Variants in HNF4G observed in about 807,000 individuals in gnomAD.
The protein encoded by HNF4G is hepatocyte nuclear factor 4-gamma.
In HNF4G, 21 loss-of-function variants were observed where a neutral mutation model predicts 50.9. The observed-to-expected ratio is 0.41, with a 90% confidence interval of 0.29 to 0.59. The LOEUF (loss-of-function observed/expected upper bound fraction) is 0.59. Among genes scored for constraint, HNF4G ranks in the 20% least tolerant of loss-of-function variants. HNF4G has a pLI of 0.26. For synonymous variants in HNF4G, 198 were observed against 185.6 expected (o/e 1.07, Z -0.54); for missense variants, 527 against 559.4 (o/e 0.94, Z 0.58).
rs551290430 is a variant in HNF4G, at chr8:75,467,684, A to G, written c.-143-22405A>G. On this transcript the variant is annotated intron_variant, in intron 1 of 10. Transcript: ENST00000354370. ...AGGAAAAAAAAAAAAAAGGAATTTTATATTAGCAAACAGCACACTGAAGTC... is the reference window on the plus strand; with the variant it reads ...AGGAAAAAAAAAAAAAAGGAATTTTGTATTAGCAAACAGCACACTGAAGTC... 5.9e-4 allele frequency among the ~76,000 whole-genome samples: 90 copies of G among 151,902 alleles called. 1 individual carries two copies. The highest frequency in any genetic ancestry group is 1.0e-3 in the Non-Finnish European group (68 of 67,882).
intron 2 of HNF4G, among the ~76,000 whole-genome samples, chr8:75,521,768 T>A (rs373688773): frequency 6.6e-6 from 1 of 152,190 alleles, no homozygotes; most frequent in Non-Finnish European, 1.5e-5. Context: ...ATTAAAAATA[T>A]AATCCTTATC....
intron 1 of HNF4G, among the ~76,000 whole-genome samples, chr8:75,424,136 T>C (rs1489050760): frequency 3.3e-5 from 5 of 152,098 alleles, no homozygotes; most frequent in Non-Finnish European, 1.5e-5. Flanking sequence ...CAGTTTCTTA[T>C]GTGTGTGTGT....
At chr8:75,471,651 G>A (rs1031596133) in intron 1 of HNF4G, among the ~76,000 whole-genome samples, 1 of 152,108 alleles carries the variant, frequency 6.6e-6, no homozygotes, top group African/African-American at 2.4e-5. Context: ...AAAGGAGGCA[G>A]TTTGGTGTGA....
chr8:75,489,833 A>G (rs754390111), intron 1 of HNF4G, among the ~76,000 whole-genome samples: 10 of 152,162 alleles, frequency 6.6e-5, no homozygotes, highest in Non-Finnish European at 1.5e-4. Context: ...GTAGCCAGAT[A>G]TTATGTCTAT....
chr8:75,462,069 C>T (rs890767775), intron 1 of HNF4G, among the ~76,000 whole-genome samples: 1 of 151,686 alleles, frequency 6.6e-6, no homozygotes, highest in Non-Finnish European at 1.5e-5. Context: ...AGGCATGCAC[C>T]ACCATGGCTG....
intron 1 of HNF4G, among the ~76,000 whole-genome samples, chr8:75,459,748 C>T (rs1811802012): frequency 6.6e-6 from 1 of 152,064 alleles, no homozygotes; most frequent in Non-Finnish European, 1.5e-5. Context: ...GTGATTCAGA[C>T]CCAGATGATC....
chr8:75,522,685 C>T (rs770495993), intron 2 of HNF4G, among the ~76,000 whole-genome samples: 6 of 152,260 alleles, frequency 3.9e-5, no homozygotes, highest in Admixed American at 6.5e-5. Context: ...AAAAATGTCT[C>T]TAGATACTGT....
At chr8:75,508,718 T>C (rs1489280567) in intron 2 of HNF4G, among the ~76,000 whole-genome samples, 1 of 152,098 alleles carries the variant, frequency 6.6e-6, no homozygotes, top group African/African-American at 2.4e-5. Flanking sequence ...CGTAACCACG[T>C]AGGCAAACAC....
intron 2 of HNF4G, among the ~76,000 whole-genome samples, chr8:75,492,703 A>C (rs1327121856): frequency 7.9e-5 from 12 of 152,158 alleles, no homozygotes; most frequent in Admixed American, 7.9e-4. Flanking sequence ...AGTCACACTG[A>C]AGTCCATTAC....
At chr8:75,418,722 CTTTTTTTTTTTTTT>C (rs560295179) in intron 1 of HNF4G, among the ~76,000 whole-genome samples, 1 of 109,406 alleles carries the variant, frequency 9.1e-6, no homozygotes, top group East Asian at 2.3e-4. Flanking sequence ...CTCTCTCTCT[CTTTTTTTTTTTTTT>C]TTTTTTTTGA....
chr8:75,535,462 T>C (rs73690955), upstream of HNF4G, among the ~76,000 whole-genome samples: 7,843 of 151,828 alleles, frequency 0.052, 253 homozygotes, highest in Middle Eastern at 0.075. Flanking sequence ...CTGCTTACAC[T>C]GAAAAATACA....
chr8:75,560,786 G>A (rs1396286263), intron 9 of HNF4G, among the ~76,000 whole-genome samples: 3 of 152,122 alleles, frequency 2.0e-5, no homozygotes, highest in Non-Finnish European at 4.4e-5. Context: ...CCATGCAAGG[G>A]AATCTTAATA....
At chr8:75,562,509 G>A (rs544794813) in intron 9 of HNF4G, among the ~76,000 whole-genome samples, 9 of 152,140 alleles carry the variant, frequency 5.9e-5, no homozygotes, top group African/African-American at 1.7e-4. Flanking sequence ...AAACTAGAGC[G>A]TTTATGGAGT....
At chr8:75,418,211 T>C (rs992774931) in intron 1 of HNF4G, among the ~76,000 whole-genome samples, 5 of 152,156 alleles carry the variant, frequency 3.3e-5, no homozygotes, top group African/African-American at 1.2e-4. Context: ...ATTGGTGTGC[T>C]GTCTGTGTCC....
intron 2 of HNF4G, among the ~76,000 whole-genome samples, chr8:75,522,360 A>C (rs1189426502): frequency 6.6e-6 from 1 of 152,220 alleles, no homozygotes; most frequent in Non-Finnish European, 1.5e-5. Flanking sequence ...ATGATGGATT[A>C]AATAGTTCTT....
At chr8:75,471,936 T>G (rs1310541477) in intron 1 of HNF4G, among the ~76,000 whole-genome samples, 1 of 152,196 alleles carries the variant, frequency 6.6e-6, no homozygotes, top group Non-Finnish European at 1.5e-5. Context: ...GCTTCTTACT[T>G]ATGGTACTTG....
In HNF4G at chr8:75,551,419, C is replaced by T. The variant is rs749801784; in HGVS notation, c.414C>T (p.Thr138=). The change falls in exon 4 of 10, where the codon ACC becomes ACT. Residue 138 remains threonine, a synonymous_variant. Transcript: ENST00000396423. ...AAAATGAACGTGACAGAATAAGCAC[C>T]AGAAGAAGCACATTTGATGGCAGCA... ...AVQNERDRIS[T]RRSTFDGSNI... is the part of the protein sequence containing the mutation. The T allele has an allele frequency of 2.5e-6, 4 of 1,612,592 alleles. No individual in the cohort carries two copies. The African/African-American group carries it at 4.0e-5, about 16-fold the overall frequency.
chr8:75,413,118 C>T (rs188002346), intron 1 of HNF4G, among the ~76,000 whole-genome samples: 1 of 151,856 alleles, frequency 6.6e-6, no homozygotes, highest in East Asian at 1.9e-4. Flanking sequence ...GGAAGGAACA[C>T]TGGGCCAGAT....
At chr8:75,555,812 T>A (rs1807100929) in intron 5 of HNF4G, among the ~76,000 whole-genome samples, 170 bp from the exon 6 acceptor site, 1 of 151,994 alleles carries the variant, frequency 6.6e-6, no homozygotes, top group South Asian at 2.1e-4. Context: ...TCTATTGACA[T>A]GCTATGATAG....
Sources: gnomAD v4.1 joint callset for allele counts (sites outside exome capture counted in the v4.1 genomes callset) on GRCh38, gnomAD v4.1.1 for gene constraint, MANE v1.5 for transcripts, NCBI Gene and HGNC (gene_info 2026-07-23, HGNC 2026-07-21) for gene names.